Variants in EBF2 observed in about 807,000 individuals in gnomAD.
EBF2 encodes the protein EBF transcription factor 2, also known as transcription factor COE2.
A neutral mutation model predicts 72.8 loss-of-function variants in EBF2; 21 were observed. That is an observed-to-expected ratio of 0.29 (90% CI 0.20 to 0.42). The LOEUF is 0.42. Ranked by LOEUF, EBF2 falls within the 10% of genes least tolerant of loss-of-function variation. The pLI, the probability that EBF2 is intolerant of heterozygous loss-of-function variation, is 1.00. For missense variants in EBF2, 637 were observed against 731.2 expected (o/e 0.87, Z 1.49); for synonymous variants, 299 against 274.2 (o/e 1.09, Z -0.89).
intron 6 of EBF2, among the ~76,000 whole-genome samples, chr8:25,933,886 G>A (rs529723251): frequency 9.9e-5 from 15 of 152,068 alleles, no homozygotes; most frequent in African/African-American, 1.4e-4. Context: ...ATTTCTGAGC[G>A]GTAAGTTACT....
chr8:25,996,474 T>A (rs969037072), intron 6 of EBF2, among the ~76,000 whole-genome samples: 1 of 151,888 alleles, frequency 6.6e-6, no homozygotes, highest in South Asian at 2.1e-4. Flanking sequence ...AAATCAGAAC[T>A]GCAAATTGAG....
At position 25,889,734 on chromosome 8, in the gene EBF2, G is replaced by A. The variant is rs774686598; in HGVS notation, c.751+18C>T. 11 of 1,586,052 alleles carry A rather than the reference G, an allele frequency of 6.9e-6. No individual in the cohort carries two copies. The highest frequency in any genetic ancestry group is 5.5e-5 in the South Asian group (5 of 90,488). The stretch of plus-strand genomic sequence containing the variant: ...GAGAATTTCATGTGTCTGCTATGCT[G>A]AGCGCAGGCAGCCCTACCTTCCGAT... On this transcript the variant is annotated intron_variant, in intron 8 of 15. Coordinates refer to ENST00000520164, the MANE Select transcript of EBF2 (RefSeq NM_022659.4).
At chr8:25,919,270 G>C (rs1253912431) in intron 6 of EBF2, among the ~76,000 whole-genome samples, 1 of 152,156 alleles carries the variant, frequency 6.6e-6, no homozygotes, top group East Asian at 1.9e-4. Flanking sequence ...TTCAGAGCAG[G>C]GTGGGAATCT....
At chr8:25,973,241 G>A (rs775354755) in intron 6 of EBF2, among the ~76,000 whole-genome samples, 3 of 152,114 alleles carry the variant, frequency 2.0e-5, no homozygotes, top group Non-Finnish European at 4.4e-5. Flanking sequence ...AAAATAAAAA[G>A]CTAACATTAA....
chr8:25,900,330 G>T (rs1269205736), intron 7 of EBF2, among the ~76,000 whole-genome samples: 1 of 152,096 alleles, frequency 6.6e-6, no homozygotes, highest in Non-Finnish European at 1.5e-5. Context: ...TGTGTTGCAT[G>T]CACCTGTAGT....
chr8:26,035,576 AAGTG>A (rs1329343894), intron 5 of EBF2, among the ~76,000 whole-genome samples: 4 of 152,164 alleles, frequency 2.6e-5, no homozygotes, highest in East Asian at 3.9e-4. Context: ...GTGGATTCGC[AAGTG>A]AGTAAGTCTA....
At chr8:26,023,234 C>G (rs1227517876) in intron 6 of EBF2, among the ~76,000 whole-genome samples, 1 of 152,182 alleles carries the variant, frequency 6.6e-6, no homozygotes, top group Non-Finnish European at 1.5e-5. Flanking sequence ...TCCCAGGCTC[C>G]ACGACCTTTG....
At chr8:25,944,777 G>A (rs1803738055) in intron 6 of EBF2, among the ~76,000 whole-genome samples, 2 of 147,536 alleles carry the variant, frequency 1.4e-5, no homozygotes, top group South Asian at 4.2e-4. Flanking sequence ...ATTATATTGT[G>A]TATATAATTA....
chr8:26,040,585 G>A (rs947021910), intron 4 of EBF2, 31 bp downstream of exon 4: 26 of 1,549,462 alleles, frequency 1.7e-5, no homozygotes, highest in African/African-American at 9.6e-5. Context: ...TCAGAGACAG[G>A]CGAAGAGAAG....
At chr8:25,993,124 A>G (rs936522707) in intron 6 of EBF2, among the ~76,000 whole-genome samples, 2 of 152,158 alleles carry the variant, frequency 1.3e-5, no homozygotes, top group Admixed American at 6.5e-5. Flanking sequence ...CCTGAAAAAC[A>G]GAAGATGAGG....
chr8:25,978,611 A>C (rs1175154483), intron 6 of EBF2, among the ~76,000 whole-genome samples: 1 of 152,214 alleles, frequency 6.6e-6, no homozygotes, highest in African/African-American at 2.4e-5. Flanking sequence ...GAAAGCGGAA[A>C]GGTGCGCTTC....
Position 25,862,453 on chromosome 8 carries a change from G to C in EBF2, c.1098+256C>G, listed in dbSNP as rs148705697. Among the ~76,000 whole-genome samples, 27 of 152,254 alleles carry C rather than the reference G, an allele frequency of 1.8e-4. No homozygotes were observed. The East Asian group carries it at 5.2e-3, about 29-fold the overall frequency. On this transcript the variant is annotated intron_variant, in intron 11 of 15. Coordinates refer to ENST00000520164, the MANE Select transcript of EBF2 (RefSeq NM_022659.4). ...TTATGCAGTTATTTATTTTCATAAAGTTGGCCATGTTTTTTAAACTGAATA... is the reference window on the plus strand; with the variant it reads ...TTATGCAGTTATTTATTTTCATAAACTTGGCCATGTTTTTTAAACTGAATA...
chr8:25,943,242 G>A (rs1803708483), intron 6 of EBF2, among the ~76,000 whole-genome samples: 1 of 148,788 alleles, frequency 6.7e-6, no homozygotes, highest in African/African-American at 2.5e-5. Flanking sequence ...CAAGGTGGAA[G>A]GATTGCTTGA....
chr8:25,978,470 G>A (rs1437367614), intron 6 of EBF2, among the ~76,000 whole-genome samples: 1 of 152,216 alleles, frequency 6.6e-6, no homozygotes, highest in Non-Finnish European at 1.5e-5. Context: ...CAGCTGGCTG[G>A]GAGAGCGACC....
At chr8:25,960,004 C>T (rs907785462) in intron 6 of EBF2, among the ~76,000 whole-genome samples, 11 of 152,224 alleles carry the variant, frequency 7.2e-5, no homozygotes, top group African/African-American at 2.7e-4. Flanking sequence ...GCCTATTCAC[C>T]TTTCCTGGGT....
rs1370977112 is a variant in EBF2 at position 25,842,405 on chromosome 8, C to T, written c.*2204G>A. The T allele has an allele frequency of 6.6e-6, 1 of 152,136 alleles. No individual in the cohort carries two copies. The highest frequency in any genetic ancestry group is 1.5e-5 in the Non-Finnish European group (1 of 68,028). 9.4% of individuals were successfully genotyped at this position (152,136 alleles called of 1,614,324 possible). On this transcript the variant is annotated 3_prime_UTR_variant, in exon 16 of 16. Transcript: ENST00000520164. ...ATTTTGAAGACAGTACTGCACTCATCTTCATGCAAAAGGAAAATTCACAGG... is the reference window on the plus strand; with the variant it reads ...ATTTTGAAGACAGTACTGCACTCATTTTCATGCAAAAGGAAAATTCACAGG...
chr8:25,893,271 A>ATTTTTT (rs201829098), intron 7 of EBF2, among the ~76,000 whole-genome samples: 2 of 111,446 alleles, frequency 1.8e-5, no homozygotes, highest in Non-Finnish European at 3.4e-5. Context: ...TAATTCTTCC[A>ATTTTTT]TTTTTTTTTT....
chr8:25,938,580 T>C (rs1803618494), intron 6 of EBF2, among the ~76,000 whole-genome samples: 1 of 152,142 alleles, frequency 6.6e-6, no homozygotes, highest in African/African-American at 2.4e-5. Flanking sequence ...TGATAAGATT[T>C]TCTTTGTGCC....
chr8:26,034,524 G>A (rs960496365), intron 5 of EBF2, among the ~76,000 whole-genome samples: 8 of 152,146 alleles, frequency 5.3e-5, no homozygotes, highest in African/African-American at 1.9e-4. Flanking sequence ...CAGTCCAAAG[G>A]TATCTGTTCG....
Sources: gnomAD v4.1 joint callset for allele counts (sites outside exome capture counted in the v4.1 genomes callset) on GRCh38, gnomAD v4.1.1 for gene constraint, MANE v1.5 for transcripts, NCBI Gene and HGNC (gene_info 2026-07-23, HGNC 2026-07-21) for gene names.